ZNF804B: variants seen among roughly 807,000 people sequenced by gnomAD.
ZNF804B encodes zinc finger protein 804B, also known as zinc finger 804B.
In ZNF804B, 80 loss-of-function variants were observed where a neutral mutation model predicts 101.4. The observed-to-expected ratio is 0.79, with a 90% confidence interval of 0.66 to 0.95. The LOEUF (loss-of-function observed/expected upper bound fraction) is 0.95, where lower values mean the gene tolerates loss of function less well. Ranked by LOEUF, ZNF804B falls within the 40% of genes least tolerant of loss-of-function variation. ZNF804B has a pLI of 0.00. For synonymous variants in ZNF804B, 622 were observed against 558.8 expected (o/e 1.11, Z -1.59); for missense variants, 1,673 against 1,561.9 (o/e 1.07, Z -1.20).
chr7:88,971,048 A>G (rs112219861), intron 1 of ZNF804B, among the ~76,000 whole-genome samples: 1 of 151,516 alleles, frequency 6.6e-6, no homozygotes, highest in Non-Finnish European at 1.5e-5. Context: ...AGCCTTGCCT[A>G]TTATTTCTTT....
chr7:88,767,757 T>C (rs1037427565), intron 1 of ZNF804B, among the ~76,000 whole-genome samples: 3 of 152,372 alleles, frequency 2.0e-5, no homozygotes, highest in Admixed American at 6.5e-5. Context: ...GCTTTCACTG[T>C]GTATCCGTCC....
At chr7:89,086,106 T>C (rs192530884) in intron 1 of ZNF804B, among the ~76,000 whole-genome samples, 53 of 152,132 alleles carry the variant, frequency 3.5e-4, no homozygotes, top group African/African-American at 1.3e-3. Context: ...GAGCCTGTTA[T>C]CATTTTCTAT....
chr7:88,836,370 T>C (rs781565496), intron 1 of ZNF804B, among the ~76,000 whole-genome samples: 6 of 151,864 alleles, frequency 4.0e-5, no homozygotes, highest in Non-Finnish European at 8.8e-5. Flanking sequence ...AGATCACATG[T>C]TTTCTGGAAA....
intron 1 of ZNF804B, among the ~76,000 whole-genome samples, chr7:89,202,905 A>G (rs1435017476): frequency 6.6e-6 from 1 of 152,020 alleles, no homozygotes; most frequent in East Asian, 1.9e-4. Context: ...TGGGCCCACA[A>G]CTTCTATTCG....
intron 1 of ZNF804B, among the ~76,000 whole-genome samples, chr7:89,154,008 T>C (rs1297622704): frequency 6.6e-6 from 1 of 151,976 alleles, no homozygotes; most frequent in African/African-American, 2.4e-5. Flanking sequence ...CTGTTCAGAA[T>C]ATGTAAGGAA....
chr7:89,023,893 G>A (rs1363823576), intron 1 of ZNF804B, among the ~76,000 whole-genome samples: 2 of 152,122 alleles, frequency 1.3e-5, no homozygotes, highest in East Asian at 3.9e-4. Flanking sequence ...CACAGAATAG[G>A]AAGTTTTAAA....
intron 1 of ZNF804B, among the ~76,000 whole-genome samples, chr7:88,851,710 A>G (rs909993829): frequency 6.6e-6 from 1 of 152,166 alleles, no homozygotes; most frequent in East Asian, 1.9e-4. Flanking sequence ...ATCAGTAACT[A>G]TATGAGTAAA....
intron 1 of ZNF804B, among the ~76,000 whole-genome samples, chr7:88,952,841 G>A (rs529367228): frequency 6.6e-6 from 1 of 151,730 alleles, no homozygotes; most frequent in Non-Finnish European, 1.5e-5. Context: ...CTCGATTTTT[G>A]TTGGGCTGAG....
At chr7:89,113,607 C>G (rs908928543) in intron 1 of ZNF804B, among the ~76,000 whole-genome samples, 1 of 152,016 alleles carries the variant, frequency 6.6e-6, no homozygotes, top group Non-Finnish European at 1.5e-5. Flanking sequence ...TTAGCTGGGA[C>G]AAATTGGTGT....
chr7:89,267,006 T>C (rs1789806371), intron 2 of ZNF804B, among the ~76,000 whole-genome samples: 2 of 152,170 alleles, frequency 1.3e-5, no homozygotes, highest in Admixed American at 1.3e-4. Context: ...GGGAACATTA[T>C]TTATTAGAAA....
At chr7:88,902,743 G>T (rs995946351) in intron 1 of ZNF804B, among the ~76,000 whole-genome samples, 1 of 151,892 alleles carries the variant, frequency 6.6e-6, no homozygotes, top group African/African-American at 2.4e-5. Context: ...ATAAATGAAA[G>T]TTTATTTAAA....
chr7:88,961,477 G>T (rs143879545), intron 1 of ZNF804B, among the ~76,000 whole-genome samples: 1 of 151,310 alleles, frequency 6.6e-6, no homozygotes, highest in Non-Finnish European at 1.5e-5. Context: ...AACATCTTTA[G>T]TATTTTTTCT....
intron 1 of ZNF804B, among the ~76,000 whole-genome samples, chr7:89,103,048 G>GTTTTTTTTTTTTTTTTTTTTTTTTTTT (rs56693128): frequency 8.9e-5 from 3 of 33,750 alleles, no homozygotes; most frequent in Admixed American, 1.1e-3. Flanking sequence ...CTATGTGTCT[G>GTTTTTTTTTTTTTTTTTTTTTTTTTTT]TTTTTTTTTT....
At chr7:89,149,675 A>G (rs553461806) in intron 1 of ZNF804B, among the ~76,000 whole-genome samples, 142 of 152,014 alleles carry the variant, frequency 9.3e-4, no homozygotes, top group African/African-American at 3.3e-3. Flanking sequence ...TCTTAATTCT[A>G]TTTTCATTGT....
chr7:88,951,784 A>G (rs144943348), intron 1 of ZNF804B, among the ~76,000 whole-genome samples: 12 of 151,988 alleles, frequency 7.9e-5, no homozygotes, highest in African/African-American at 2.6e-4. Flanking sequence ...ACCCATTAAT[A>G]TGCAAATGTA....
At chr7:88,864,303 T>C (rs1191045730) in intron 1 of ZNF804B, among the ~76,000 whole-genome samples, 2 of 152,244 alleles carry the variant, frequency 1.3e-5, no homozygotes, top group African/African-American at 2.4e-5. Context: ...AACGAATATA[T>C]ACTGCCTTAT....
intron 1 of ZNF804B, among the ~76,000 whole-genome samples, chr7:88,937,412 C>T (rs1444233557): frequency 1.3e-5 from 2 of 152,042 alleles, no homozygotes; most frequent in African/African-American, 2.4e-5. Context: ...AAAAATCTAT[C>T]CATCGACCTG....
chr7:89,219,983 A>ATATG (rs1224187960), intron 2 of ZNF804B, among the ~76,000 whole-genome samples: 3 of 143,372 alleles, frequency 2.1e-5, no homozygotes, highest in Non-Finnish European at 1.5e-5. Context: ...GTATATACAT[A>ATATG]TGTGTGCATA....
intron 1 of ZNF804B, among the ~76,000 whole-genome samples, chr7:88,805,088 C>T (rs914338234): frequency 6.6e-6 from 1 of 152,068 alleles, no homozygotes; most frequent in Non-Finnish European, 1.5e-5. Flanking sequence ...TTTTATGACA[C>T]TTAATATTGA....
Sources: allele counts gnomAD v4.1 joint callset (sites outside exome capture counted in the v4.1 genomes callset), GRCh38; gene constraint gnomAD v4.1.1; transcripts MANE v1.5; gene names NCBI Gene and HGNC (gene_info 2026-07-23, HGNC 2026-07-21).